The following PRKCZ variants were observed in gnomAD, a reference collection of about 807,000 sequenced individuals.
PRKCZ encodes the protein protein kinase C zeta.
In PRKCZ, 33 loss-of-function variants were observed where a neutral mutation model predicts 79.5. The ratio of observed to expected loss-of-function variants is 0.41; its 90% CI spans 0.31 to 0.55. The LOEUF (loss-of-function observed/expected upper bound fraction) is 0.55, where lower values mean the gene tolerates loss of function less well. Among genes scored for constraint, PRKCZ ranks in the 20% least tolerant of loss-of-function variants. The pLI is 0.19. For synonymous variants in PRKCZ, 342 were observed against 320.9 expected (o/e 1.07, Z -0.70); for missense variants, 578 against 813.5 (o/e 0.71, Z 3.52).
At chr1:2,060,382 T>TG (rs879591115) in intron 4 of PRKCZ, among the ~76,000 whole-genome samples, 3 of 152,128 alleles carry the variant, frequency 2.0e-5, no homozygotes, top group Non-Finnish European at 4.4e-5. Flanking sequence ...GGGCGGGAAC[T>TG]GGGGGTGGGA....
chr1:2,146,136 A>G (rs370104898), intron 7 of PRKCZ, 28 bp downstream of exon 7: 1 of 1,592,956 alleles, frequency 6.3e-7, no homozygotes, highest in African/African-American at 1.3e-5. Context: ...CCGGCCGGGT[A>G]GAGCCTGGGC....
rs938376206 is a variant in PRKCZ at position 2,073,822 on chromosome 1, G to A, written c.334+14231G>A. 3.2e-5 allele frequency: 33 copies of A among 1,032,944 alleles called. No individual in the cohort carries two copies. The Admixed American group carries it at 1.2e-3, about 37-fold the overall frequency. 64.0% of individuals were successfully genotyped at this position (1,032,944 alleles called of 1,614,324 possible). A position where few individuals can be genotyped will look rare whatever the true frequency, so the allele number is the denominator to read the frequency against. Reference sequence around the variant, plus strand: ...CCTGCCTATTGTCGGGGCCGGAGGCGAGCCGACGCAGCATCAGCTCGTCAA... The same window carrying A: ...CCTGCCTATTGTCGGGGCCGGAGGCAAGCCGACGCAGCATCAGCTCGTCAA... On this transcript the variant is annotated intron_variant, in intron 4 of 17. Coordinates refer to ENST00000378567, the MANE Select transcript of PRKCZ (RefSeq NM_002744.6).
chr1:2,181,892 A>G, intron 16 of PRKCZ: 1 of 456,496 alleles, frequency 2.2e-6, no homozygotes, highest in South Asian at 1.5e-5. Flanking sequence ...TGTCCCCACA[A>G]TCCTGCTGTG....
chr1:2,065,927 T>TA lies in PRKCZ; in HGVS notation c.334+6337dup, dbSNP rs576173963. On this transcript the variant is annotated intron_variant, in intron 4 of 17. Transcript: ENST00000378567. ...AGTTGAGACGATCATGTGTTTTTTT[T>TA]ACCTTCATTTTGTTAATGTGGTATA... is the stretch of plus-strand genomic sequence containing the variant. Among the ~76,000 whole-genome samples, 486 of 152,342 alleles carry TA rather than the reference T, an allele frequency of 3.2e-3. 5 individuals are homozygous for TA. The highest frequency in any genetic ancestry group is 6.8e-3 in the Middle Eastern group (2 of 294).
At chr1:2,145,956 T>A in intron 6 of PRKCZ, 71 bp from the exon 7 acceptor site, 1 of 1,358,282 alleles carries the variant, frequency 7.4e-7, no homozygotes, top group Non-Finnish European at 1.1e-6. Context: ...TCACAAAGTG[T>A]TTACAGAAGC....
At chr1:2,150,724 G>A in intron 8 of PRKCZ, 66 bp from the exon 9 acceptor site, 2 of 1,487,118 alleles carry the variant, frequency 1.3e-6, no homozygotes, top group Non-Finnish European at 1.8e-6. Context: ...CATGAGTGAT[G>A]CGTGGTCCTC....
At chr1:2,148,946 C>T (rs2103190736) in intron 8 of PRKCZ, 22 bp downstream of exon 8, 1 of 1,611,244 alleles carries the variant, frequency 6.2e-7, no homozygotes, top group East Asian at 2.2e-5. Context: ...GAGCAGCTCG[C>T]TGCCATTTCC....
rs1184291594 is a variant in PRKCZ at position 2,094,772 on chromosome 1, G to A, written c.334+35181G>A. On this transcript the variant is annotated intron_variant, in intron 4 of 17. Coordinates refer to ENST00000378567, the MANE Select transcript of PRKCZ (RefSeq NM_002744.6). This position sits in a 1 kb window ranked among gnomAD's most constrained non-coding sequence, Gnocchi z 7.3. Reference sequence around the variant, plus strand: ...CCCGGCTCGTTGAACCTTGGGCGCTGCCCGTTCTGAGGCGTCTGCTGTGGC... The same window carrying A: ...CCCGGCTCGTTGAACCTTGGGCGCTACCCGTTCTGAGGCGTCTGCTGTGGC... 1.3e-5 allele frequency among the ~76,000 whole-genome samples: 2 copies of A among 152,224 alleles called. No homozygotes were observed. Among genetic ancestry groups the A allele is most frequent in the Non-Finnish European group, 2.9e-5 (2 of 68,048 alleles).
chr1:2,161,096 G>A (rs1557709014), intron 10 of PRKCZ, among the ~76,000 whole-genome samples: 1 of 152,192 alleles, frequency 6.6e-6, no homozygotes. Context: ...CCGTGTGCTG[G>A]AGTCATGGGA....
chr1:2,073,757 C>T (rs996445907), intron 4 of PRKCZ: 134 of 1,008,470 alleles, frequency 1.3e-4, no homozygotes, highest in Non-Finnish European at 1.5e-4. Context: ...ACAGGACAGC[C>T]GGCCTTCCGT....
At chr1:2,104,225 G>C (rs983891527) in intron 4 of PRKCZ, among the ~76,000 whole-genome samples, 11 of 152,192 alleles carry the variant, frequency 7.2e-5, no homozygotes, top group Non-Finnish European at 1.0e-4. Flanking sequence ...CACCTCACTG[G>C]GATGTGGGCG....
In PRKCZ at chr1:2,144,275, C is replaced by G. The variant is rs1429018782; in HGVS notation, c.486C>G (p.Ile162Met). 6.4e-7 allele frequency: 1 copy of G among 1,563,348 alleles called. No individual in the cohort carries two copies. The highest frequency in any genetic ancestry group is 1.3e-5 in the African/African-American group (1 of 74,220). Residue 162 changes from isoleucine (I) to methionine (M), a missense_variant, in exon 6 of 18, where the codon ATC (isoleucine) becomes ATG (methionine). Coordinates refer to ENST00000378567, the MANE Select transcript of PRKCZ (RefSeq NM_002744.6). Reference protein sequence around the residue: ...WGLARQGYRCINCKLLVHKRC... With the variant: ...WGLARQGYRCMNCKLLVHKRC... The stretch of plus-strand genomic sequence containing the variant: ...TCGCGAGGCAAGGCTACAGGTGCAT[C>G]AACTGCAAACTGCTGGTCCATAAGC...
chr1:2,072,206 T>G (rs1661661087), intron 4 of PRKCZ, among the ~76,000 whole-genome samples: 1 of 152,232 alleles, frequency 6.6e-6, no homozygotes, highest in Admixed American at 6.5e-5. Context: ...GAAGTGGCCG[T>G]GCCTCGTGGT....
intron 4 of PRKCZ, among the ~76,000 whole-genome samples, chr1:2,081,823 C>T (rs1318298998): frequency 2.0e-5 from 3 of 152,010 alleles, no homozygotes; most frequent in Admixed American, 6.5e-5. Flanking sequence ...CCACTGCCGC[C>T]CCGCCCCCCA....
chr1:2,050,513 GCCGTCGGTC>G lies in PRKCZ; in HGVS notation c.-116_-108del, dbSNP rs1659539275. 1 of 553,688 alleles carries G rather than the reference GCCGTCGGTC, an allele frequency of 1.8e-6. No homozygotes were observed. Among genetic ancestry groups the G allele is most frequent in the African/African-American group, 2.0e-5 (1 of 50,010 alleles). The allele number at this position is 553,688 out of a possible 1,614,324, so 34.3% of individuals were successfully genotyped here. A position where few individuals can be genotyped will look rare whatever the true frequency, so the allele number is the denominator to read the frequency against. On this transcript the variant is annotated 5_prime_UTR_variant, in exon 1 of 18. Transcript: ENST00000378567. ...GTTCCGCGGAGTTGACCGGGTCGGC[GCCGTCGGTC>G]CTGAGCGCTGCCTTCCGCGTTCCGC...
intron 4 of PRKCZ, among the ~76,000 whole-genome samples, chr1:2,121,879 C>T (rs111614585): frequency 0.021 from 50 of 2,362 alleles, 13 homozygotes; most frequent in Admixed American, 0.032. Context: ...GTTAGGGTCA[C>T]GGTGGTGGTT....
At chr1:2,130,121 G>T (rs1288405879) in intron 4 of PRKCZ, among the ~76,000 whole-genome samples, 7 of 152,166 alleles carry the variant, frequency 4.6e-5, no homozygotes, top group Non-Finnish European at 8.8e-5. Flanking sequence ...GCCTAGGCTG[G>T]ATTCAAATTC....
chr1:2,127,028 G>A lies in PRKCZ; in HGVS notation c.335-8234G>A, dbSNP rs933964005. Reference sequence around the variant, plus strand: ...GTCGGCAGAGCTTGGCTCCCTGTTCGCCCGACTGGCGCCTCGGCTGTGCCT... The same window carrying A: ...GTCGGCAGAGCTTGGCTCCCTGTTCACCCGACTGGCGCCTCGGCTGTGCCT... On this transcript the variant is annotated intron_variant, in intron 4 of 17. Transcript: ENST00000378567. The surrounding 1 kb of genome is among the most constrained non-coding windows in gnomAD (Gnocchi z 5.1). Among the ~76,000 whole-genome samples the A allele has an allele frequency of 2.6e-5, 4 of 152,192 alleles. No individual in the cohort carries two copies. Among genetic ancestry groups the A allele is most frequent in the Non-Finnish European group, 4.4e-5 (3 of 68,038 alleles).
intron 9 of PRKCZ, among the ~76,000 whole-genome samples, chr1:2,151,410 G>T (rs547744836): frequency 6.6e-6 from 1 of 152,252 alleles, no homozygotes; most frequent in African/African-American, 2.4e-5. Flanking sequence ...CCACTGATAC[G>T]TTGCCTTCCA....
Sources: gnomAD v4.1 joint callset for allele counts (sites outside exome capture counted in the v4.1 genomes callset) on GRCh38, gnomAD v4.1.1 for gene constraint, Gnocchi (gnomAD v3.1) non-coding constraint, MANE v1.5 for transcripts, NCBI Gene and HGNC (gene_info 2026-07-23, HGNC 2026-07-21) for gene names.